Variants in FRAS1 observed in about 807,000 individuals in gnomAD.
FRAS1 encodes the protein Fraser extracellular matrix complex subunit 1, also known as extracellular matrix organizing protein FRAS1.
A neutral mutation model predicts 435.2 loss-of-function variants in FRAS1; 290 were observed. The observed-to-expected ratio is 0.67, with a 90% CI of 0.61 to 0.73. The LOEUF (loss-of-function observed/expected upper bound fraction) is 0.73, where lower values mean the gene tolerates loss of function less well. FRAS1 is among the 30% of genes least tolerant of loss of function. The pLI, the probability that FRAS1 is intolerant of heterozygous loss-of-function variation, is 0.00. For synonymous variants in FRAS1, 1,800 were observed against 1,851.0 expected (o/e 0.97, Z 0.71); for missense variants, 4,860 against 5,001.5 (o/e 0.97, Z 0.85).
chr4:78,506,587 G>C (rs1287062754), intron 61 of FRAS1, among the ~76,000 whole-genome samples: 1 of 152,230 alleles, frequency 6.6e-6, no homozygotes, highest in Non-Finnish European at 1.5e-5. Context: ...CTGGTCTGCT[G>C]GTTGCTAAGA....
chr4:78,419,665 A>G (rs929754128), intron 33 of FRAS1, among the ~76,000 whole-genome samples: 9 of 152,172 alleles, frequency 5.9e-5, no homozygotes, highest in Non-Finnish European at 1.2e-4. Context: ...GTCCATTTTC[A>G]TATTGGTATA....
intron 22 of FRAS1, among the ~76,000 whole-genome samples, chr4:78,369,528 C>T (rs563428180): frequency 6.6e-6 from 1 of 152,280 alleles, no homozygotes; most frequent in South Asian, 2.1e-4. Flanking sequence ...GGTTTAAGTT[C>T]TGAACTATAA....
intron 2 of FRAS1, among the ~76,000 whole-genome samples, chr4:78,157,329 G>A (rs776837112): frequency 5.3e-5 from 8 of 152,108 alleles, no homozygotes; most frequent in African/African-American, 1.4e-4. Context: ...ATTTTCCTTC[G>A]GGGGTATATG....
chr4:78,222,926 G>C (rs1485717680), intron 2 of FRAS1, among the ~76,000 whole-genome samples: 1 of 152,174 alleles, frequency 6.6e-6, no homozygotes, highest in South Asian at 2.1e-4. Flanking sequence ...GGTGATGCTG[G>C]TAATTGTACC....
intron 61 of FRAS1, 83 bp downstream of exon 61, chr4:78,500,004 T>A: frequency 1.7e-6 from 2 of 1,152,322 alleles, no homozygotes; most frequent in Admixed American, 2.7e-5. Flanking sequence ...AATAAACAGA[T>A]AAATGAAAAA....
At chr4:78,389,683 G>A (rs1732368883) in intron 29 of FRAS1, among the ~76,000 whole-genome samples, 1 of 152,166 alleles carries the variant, frequency 6.6e-6, no homozygotes, top group South Asian at 2.1e-4. Context: ...GGTTGTTAGA[G>A]GATTTCAGTG....
At chr4:78,245,355 T>C (rs1182670620) in intron 4 of FRAS1, 30 bp downstream of exon 4, 10 of 1,422,042 alleles carry the variant, frequency 7.0e-6, no homozygotes, top group Non-Finnish European at 9.8e-6. Flanking sequence ...CGGTTGATTC[T>C]GTGTCTGCAG....
At chr4:78,128,154 G>A (rs1163844723) in intron 2 of FRAS1, among the ~76,000 whole-genome samples, 1 of 152,138 alleles carries the variant, frequency 6.6e-6, no homozygotes, top group Middle Eastern at 3.4e-3. Context: ...GTCTATCATT[G>A]TTGGACATTT....
At chr4:78,190,424 C>T (rs1394867711) in intron 2 of FRAS1, among the ~76,000 whole-genome samples, 1 of 152,046 alleles carries the variant, frequency 6.6e-6, no homozygotes, top group Non-Finnish European at 1.5e-5. Context: ...TCCCACCTCC[C>T]TTCTTCATTT....
chr4:78,516,047 A>G, intron 66 of FRAS1, 34 bp downstream of exon 66: 1 of 1,530,030 alleles, frequency 6.5e-7, no homozygotes, highest in Non-Finnish European at 8.9e-7. Flanking sequence ...AGGACTCTGC[A>G]TATGGGTGCC....
intron 2 of FRAS1, among the ~76,000 whole-genome samples, chr4:78,111,684 A>G (rs1428815691): frequency 1.6e-5 from 2 of 127,546 alleles, no homozygotes; most frequent in Admixed American, 1.6e-4. Context: ...GCGCACCAGC[A>G]TGGCACATGT....
intron 38 of FRAS1, among the ~76,000 whole-genome samples, chr4:78,434,102 G>A (rs1734320431): frequency 6.6e-6 from 1 of 152,180 alleles, no homozygotes; most frequent in African/African-American, 2.4e-5. Flanking sequence ...TAGTTAGAAA[G>A]TTTTCAGTGA....
chr4:78,128,562 G>A (rs200797487), intron 2 of FRAS1, among the ~76,000 whole-genome samples: 41 of 152,314 alleles, frequency 2.7e-4, no homozygotes, highest in African/African-American at 3.8e-4. Flanking sequence ...TTTTTGAGAA[G>A]TGTCTGTTCA....
At chr4:78,525,954 G>A (rs1001176305) in intron 69 of FRAS1, among the ~76,000 whole-genome samples, 7 of 152,320 alleles carry the variant, frequency 4.6e-5, no homozygotes, top group African/African-American at 1.4e-4. Context: ...AAGGGATGAG[G>A]CTATGGAGTT....
intron 56 of FRAS1, 54 bp from the exon 57 acceptor site, chr4:78,481,750 G>A (rs956767035): frequency 3.4e-5 from 55 of 1,595,116 alleles, no homozygotes; most frequent in African/African-American, 5.4e-5. Flanking sequence ...TGAAAACCTC[G>A]CTGATTTTCT....
chr4:78,337,604 T>A (rs1213036786), intron 19 of FRAS1, 70 bp from the exon 20 acceptor site: 1 of 1,487,108 alleles, frequency 6.7e-7, no homozygotes, highest in Non-Finnish European at 9.2e-7. Flanking sequence ...ATTTGTGGAA[T>A]GCATTAAATA....
chr4:78,375,158 A>T (rs984863270), intron 25 of FRAS1, among the ~76,000 whole-genome samples: 14 of 152,204 alleles, frequency 9.2e-5, no homozygotes, highest in African/African-American at 2.9e-4. Context: ...ATGTCCTATT[A>T]ATAGCTGCTC....
At chr4:78,315,462 C>A in intron 15 of FRAS1, 132 bp from the exon 16 acceptor site, 1 of 924,738 alleles carries the variant, frequency 1.1e-6, no homozygotes, top group South Asian at 2.1e-5. Flanking sequence ...ATCAAGGAAA[C>A]AGAATTTTGC....
chr4:78,386,984 A>G (rs1174787390), intron 28 of FRAS1, among the ~76,000 whole-genome samples: 1 of 152,210 alleles, frequency 6.6e-6, no homozygotes, highest in African/African-American at 2.4e-5. Flanking sequence ...CCTCAGAGTC[A>G]GTATACCACA....
Sources: gnomAD v4.1 joint callset for allele counts (sites outside exome capture counted in the v4.1 genomes callset) on GRCh38, gnomAD v4.1.1 for gene constraint, MANE v1.5 for transcripts, NCBI Gene and HGNC (gene_info 2026-07-23, HGNC 2026-07-21) for gene names.